The following CTNNA3 variants were observed in gnomAD, a reference collection of about 807,000 sequenced individuals.
CTNNA3 encodes catenin alpha-3.
CTNNA3 carries 76 observed loss-of-function variants against 95.7 expected under a neutral mutation model. The observed-to-expected ratio is 0.79, with a 90% CI of 0.66 to 0.96. CTNNA3 has a LOEUF of 0.96. Ranked by LOEUF, CTNNA3 falls within the 40% of genes least tolerant of loss-of-function variation. The pLI is 0.00. For missense variants in CTNNA3, 1,191 were observed against 1,089.8 expected, an observed-to-expected ratio of 1.09 and a Z score of -1.31; for synonymous variants, 431 against 374.4, an observed-to-expected ratio of 1.15 and a Z score of -1.74.
intron 7 of CTNNA3, among the ~76,000 whole-genome samples, chr10:66,898,192 C>T (rs181748802): frequency 1.2e-4 from 18 of 152,248 alleles, no homozygotes; most frequent in Middle Eastern, 3.4e-3. Flanking sequence ...GTCATATCTA[C>T]GGAATTTTAG....
intron 10 of CTNNA3, among the ~76,000 whole-genome samples, chr10:66,602,378 T>C (rs1843959756): frequency 6.6e-6 from 1 of 151,986 alleles, no homozygotes; most frequent in Non-Finnish European, 1.5e-5. Flanking sequence ...TTTAAAGCTT[T>C]TTTTAAAAAA....
At chr10:66,577,709 G>C (rs993822371) in intron 10 of CTNNA3, among the ~76,000 whole-genome samples, 6 of 152,084 alleles carry the variant, frequency 3.9e-5, no homozygotes. Context: ...GAATCATGCT[G>C]TTTTGGTTAC....
intron 7 of CTNNA3, among the ~76,000 whole-genome samples, chr10:66,794,214 C>T (rs1841099498): frequency 6.6e-6 from 1 of 152,064 alleles, no homozygotes; most frequent in African/African-American, 2.4e-5. Context: ...AATGTGGGGC[C>T]TTAAACAACC....
chr10:66,303,863 G>A (rs1005981542), intron 12 of CTNNA3, among the ~76,000 whole-genome samples: 1 of 152,116 alleles, frequency 6.6e-6, no homozygotes, highest in African/African-American at 2.4e-5. Flanking sequence ...AAAGTGCTGG[G>A]ATATATAGAT....
chr10:67,757,533 G>T (rs1223756412), intron 1 of CTNNA3, among the ~76,000 whole-genome samples: 2 of 152,234 alleles, frequency 1.3e-5, no homozygotes, highest in African/African-American at 4.8e-5. Context: ...AAAGCAGGCA[G>T]AAGTTGGAAA....
chr10:66,921,659 C>T (rs1446701745), intron 7 of CTNNA3, among the ~76,000 whole-genome samples: 2 of 152,156 alleles, frequency 1.3e-5, no homozygotes, highest in Admixed American at 6.6e-5. Flanking sequence ...TTTGCTCAGG[C>T]CAGTTTCTTA....
intron 3 of CTNNA3, among the ~76,000 whole-genome samples, chr10:67,595,411 C>A (rs1842909150): frequency 1.3e-5 from 2 of 152,180 alleles, no homozygotes; most frequent in African/African-American, 4.8e-5. Context: ...CATTCAGGAG[C>A]ACATTGTTTA....
intron 7 of CTNNA3, among the ~76,000 whole-genome samples, chr10:66,830,218 T>G (rs1480483655): frequency 6.6e-6 from 1 of 152,214 alleles, no homozygotes; most frequent in Non-Finnish European, 1.5e-5. Flanking sequence ...TGATTTCTAA[T>G]ACCAGATTAA....
At chr10:67,680,374 A>G (rs1321150785) in intron 1 of CTNNA3, among the ~76,000 whole-genome samples, 2 of 152,242 alleles carry the variant, frequency 1.3e-5, no homozygotes, top group Admixed American at 1.3e-4. Flanking sequence ...AAAATAACTC[A>G]GAATAACATG....
rs1446256243 is a variant in CTNNA3 at position 67,051,456 on chromosome 10, CTTTTTTCT to C, written c.1047+128853_1047+128860del. Among the ~76,000 whole-genome samples, 731 of 101,188 alleles carry C rather than the reference CTTTTTTCT, an allele frequency of 7.2e-3. 3 individuals are homozygous for C. Among genetic ancestry groups the C allele is most frequent in the African/African-American group, 0.021 (583 of 28,186 alleles). 66.4% of individuals were successfully genotyped at this position (101,188 alleles called of 152,430 possible). ...TCCTTACACATCTTTTTTCTTTTTT[CTTTTTTCT>C]TTTTTTTTTTTTGGTGACGGAGTCT... is the stretch of plus-strand genomic sequence containing the variant. On this transcript the variant is annotated intron_variant, in intron 7 of 17. Coordinates refer to ENST00000433211, the MANE Select transcript of CTNNA3 (RefSeq NM_013266.4).
chr10:66,073,386 C>A (rs1483778805), intron 14 of CTNNA3, among the ~76,000 whole-genome samples: 1 of 152,134 alleles, frequency 6.6e-6, no homozygotes, highest in Admixed American at 6.6e-5. Context: ...CTTCAGCCAT[C>A]ACTGCTATGA....
intron 12 of CTNNA3, among the ~76,000 whole-genome samples, chr10:66,295,118 C>T (rs1470739726): frequency 1.3e-5 from 2 of 152,062 alleles, no homozygotes; most frequent in African/African-American, 4.8e-5. Context: ...TACAGGAATA[C>T]CTGTATTGTA....
At chr10:66,042,363 T>G (rs1174312189) in intron 15 of CTNNA3, among the ~76,000 whole-genome samples, 2 of 152,132 alleles carry the variant, frequency 1.3e-5, no homozygotes, top group Non-Finnish European at 2.9e-5. Context: ...TGTTCCTATA[T>G]GCCAGACACA....
At chr10:66,026,981 C>A (rs1408707777) in intron 15 of CTNNA3, among the ~76,000 whole-genome samples, 1 of 151,892 alleles carries the variant, frequency 6.6e-6, no homozygotes, top group East Asian at 1.9e-4. Context: ...TTATTATAAA[C>A]ACTGAAATAA....
At chr10:66,838,915 ATCTCTAAG>A (rs750913969) in intron 7 of CTNNA3, among the ~76,000 whole-genome samples, 23 of 152,272 alleles carry the variant, frequency 1.5e-4, no homozygotes, top group Admixed American at 1.0e-3. Context: ...GGACAGGATG[ATCTCTAAG>A]TCCTTGGGTA....
chr10:66,753,701 A>G (rs1011944906), intron 9 of CTNNA3, among the ~76,000 whole-genome samples: 1 of 151,720 alleles, frequency 6.6e-6, no homozygotes, highest in Non-Finnish European at 1.5e-5. Context: ...ACACACACAC[A>G]CAAATAACAA....
intron 7 of CTNNA3, among the ~76,000 whole-genome samples, chr10:67,102,418 A>G (rs576715096): frequency 6.6e-6 from 1 of 151,810 alleles, no homozygotes; most frequent in Non-Finnish European, 1.5e-5. Context: ...TTATAGTTTT[A>G]TTGTGAGATA....
chr10:66,717,639 G>A (rs1485794537), intron 9 of CTNNA3, among the ~76,000 whole-genome samples: 1 of 152,140 alleles, frequency 6.6e-6, no homozygotes, highest in African/African-American at 2.4e-5. Context: ...CAAACAATGT[G>A]GACGTAGGAA....
intron 6 of CTNNA3, among the ~76,000 whole-genome samples, chr10:67,208,231 T>C (rs978912084): frequency 3.3e-5 from 5 of 150,812 alleles, no homozygotes; most frequent in Non-Finnish European, 7.4e-5. Context: ...ACAAAAAAAA[T>C]TAGCTGGGCC....
Sources: allele counts gnomAD v4.1 joint callset (sites outside exome capture counted in the v4.1 genomes callset), GRCh38; gene constraint gnomAD v4.1.1; transcripts MANE v1.5; gene names NCBI Gene and HGNC (gene_info 2026-07-23, HGNC 2026-07-21).